Variants in DPH6 observed in about 807,000 individuals in gnomAD.
DPH6 encodes diphthamine biosynthesis 6.
A neutral mutation model predicts 38.2 loss-of-function variants in DPH6; 33 were observed. That is an observed-to-expected ratio of 0.86 (90% CI 0.65 to 1.15). The LOEUF is 1.15. Ranked by LOEUF, DPH6 falls within the 50% of genes most tolerant of loss-of-function variation. The pLI is 0.00. For synonymous variants in DPH6, 108 were observed against 103.0 expected, an observed-to-expected ratio of 1.05 and a Z score of -0.30; for missense variants, 325 against 320.0, an observed-to-expected ratio of 1.02 and a Z score of -0.12.
intron 7 of DPH6, among the ~76,000 whole-genome samples, chr15:35,380,093 T>C (rs974054439): frequency 6.0e-5 from 9 of 149,578 alleles, no homozygotes; most frequent in Non-Finnish European, 1.5e-5. Context: ...GGGCTTCCTT[T>C]GTGTTTACAA....
the DPH6 span, among the ~76,000 whole-genome samples, chr15:35,179,539 T>C: frequency 6.6e-6 from 1 of 152,174 alleles, no homozygotes; most frequent in African/African-American, 2.4e-5. Flanking sequence ...AAACATTATG[T>C]GGGAGAAAAG....
chr15:35,158,015 T>C, the DPH6 span, among the ~76,000 whole-genome samples: 1 of 152,122 alleles, frequency 6.6e-6, no homozygotes, highest in South Asian at 2.1e-4. Flanking sequence ...AATACTTTCA[T>C]TTTCAGTCTT....
downstream of DPH6, among the ~76,000 whole-genome samples, chr15:35,370,210 C>T (rs2052698635): frequency 1.3e-5 from 2 of 151,604 alleles, no homozygotes. Flanking sequence ...GAATGTATCA[C>T]AAACATAAAC....
chr15:35,342,166 T>C (rs918139202), intron 3 of DPH6, among the ~76,000 whole-genome samples: 3 of 152,250 alleles, frequency 2.0e-5, no homozygotes, highest in Middle Eastern at 6.8e-3. Flanking sequence ...CCTAGGGATA[T>C]GTATGGATGG....
chr15:35,317,275 AAG>A (rs374065713), intron 3 of DPH6, among the ~76,000 whole-genome samples: 2 of 84,274 alleles, frequency 2.4e-5, no homozygotes, highest in Non-Finnish European at 2.5e-5. Flanking sequence ...GAAAGAAAGA[AAG>A]AGAGAGAGAG....
intron 5 of DPH6, among the ~76,000 whole-genome samples, chr15:35,415,922 T>G (rs2053430091): frequency 6.6e-6 from 1 of 152,014 alleles, no homozygotes; most frequent in Admixed American, 6.6e-5. Context: ...CAAATTTCTT[T>G]TCTCTCAGAG....
At chr15:35,303,715 A>C (rs918829096) in intron 3 of DPH6, among the ~76,000 whole-genome samples, 3 of 149,474 alleles carry the variant, frequency 2.0e-5, no homozygotes, top group Admixed American at 2.0e-4. Context: ...AAGGGGGAGG[A>C]GAGGTTAGTG....
At chr15:35,159,548 T>TA in the DPH6 span, among the ~76,000 whole-genome samples, 7,435 of 150,752 alleles carry the variant, frequency 0.049, 607 homozygotes, top group African/African-American at 0.17. Flanking sequence ...ATTAAAAAAT[T>TA]AAAAAAAAAT....
At chr15:35,193,196 A>C in the DPH6 span, among the ~76,000 whole-genome samples, 1 of 152,104 alleles carries the variant, frequency 6.6e-6, no homozygotes, top group Non-Finnish European at 1.5e-5. Context: ...TATGGGAAAT[A>C]ACAACATCAA....
rs149106657 is a variant in DPH6 at position 35,529,382 on chromosome 15, A to G, written c.312+8892T>C. On this transcript the variant is annotated intron_variant, in intron 3 of 8. Coordinates refer to ENST00000256538, the MANE Select transcript of DPH6 (RefSeq NM_080650.4). ...GATCTCAGGAGAACTCTATCATGAG[A>G]ACAGCAAGGGGGAAGCCCACCCCAT... Among the ~76,000 whole-genome samples, 925 of 152,236 alleles carry G rather than the reference A, an allele frequency of 6.1e-3. 5 individuals are homozygous for G. Among genetic ancestry groups the G allele is most frequent in the Non-Finnish European group, 9.7e-3 (659 of 68,008 alleles).
chr15:35,281,501 G>T (rs1210241075), intron 3 of DPH6, among the ~76,000 whole-genome samples: 1 of 152,020 alleles, frequency 6.6e-6, no homozygotes, highest in African/African-American at 2.4e-5. Flanking sequence ...ATGACCAAAA[G>T]GAGACATGAC....
chr15:35,160,766 C>T, the DPH6 span, among the ~76,000 whole-genome samples: 1 of 151,852 alleles, frequency 6.6e-6, no homozygotes, highest in African/African-American at 2.4e-5. Flanking sequence ...TAGTACTTAT[C>T]TTATTTGACC....
At chr15:35,385,670 AGGTTGATGGT>A (rs1349744918) in intron 6 of DPH6, among the ~76,000 whole-genome samples, 1 of 151,984 alleles carries the variant, frequency 6.6e-6, no homozygotes, top group Non-Finnish European at 1.5e-5. Context: ...TGTAGATAAC[AGGTTGATGGT>A]TGCAGCAAAC....
downstream of DPH6, among the ~76,000 whole-genome samples, chr15:35,212,599 T>C (rs113946352): frequency 0.012 from 1,841 of 152,290 alleles, 51 homozygotes; most frequent in African/African-American, 0.043. Context: ...CATAGAGATA[T>C]AGGAAATATA....
chr15:35,237,095 T>G (rs766832618), intron 3 of DPH6: 156 of 551,332 alleles, frequency 2.8e-4, no homozygotes, highest in Non-Finnish European at 4.6e-4. Flanking sequence ...GCTTAGGTAT[T>G]GGGTTTTCCT....
chr15:35,521,555 G>C, intron 3 of DPH6: 2 of 1,224,998 alleles, frequency 1.6e-6, no homozygotes, highest in South Asian at 8.5e-5. Context: ...CTAAGAGAAA[G>C]TGTCATGAAC....
At chr15:35,459,190 G>A (rs916466422) in intron 3 of DPH6, among the ~76,000 whole-genome samples, 1 of 152,198 alleles carries the variant, frequency 6.6e-6, no homozygotes, top group African/African-American at 2.4e-5. Flanking sequence ...ATGGAGGCCA[G>A]AAGTCTAAGC....
chr15:35,148,885 A>G, the DPH6 span, among the ~76,000 whole-genome samples: 1 of 152,136 alleles, frequency 6.6e-6, no homozygotes, highest in South Asian at 2.1e-4. Context: ...TGCATAAAAC[A>G]CTATTAGCAT....
At chr15:35,223,120 T>G (rs2051453315) in intron 3 of DPH6, among the ~76,000 whole-genome samples, 1 of 152,176 alleles carries the variant, frequency 6.6e-6, no homozygotes, top group Non-Finnish European at 1.5e-5. Flanking sequence ...TAATTTATAA[T>G]GAATGGAAAT....
Sources: gnomAD v4.1 joint callset for allele counts (sites outside exome capture counted in the v4.1 genomes callset) on GRCh38, gnomAD v4.1.1 for gene constraint, MANE v1.5 for transcripts, NCBI Gene and HGNC (gene_info 2026-07-23, HGNC 2026-07-21) for gene names.